The following CNTN5 variants were observed in gnomAD, a reference collection of about 807,000 sequenced individuals.
CNTN5 encodes the protein contactin-5.
A neutral mutation model predicts 129.1 loss-of-function variants in CNTN5; 77 were observed. That is an observed-to-expected ratio of 0.60 (90% CI 0.50 to 0.72). The LOEUF (loss-of-function observed/expected upper bound fraction) is 0.72. CNTN5 is among the 30% of genes least tolerant of loss of function. CNTN5 has a pLI of 0.00. For missense variants in CNTN5, 1,478 were observed against 1,328.8 expected (o/e 1.11, Z -1.75); for synonymous variants, 509 against 465.6 (o/e 1.09, Z -1.20).
At position 100,313,603 on chromosome 11, in the gene CNTN5, A is replaced by G. The variant is rs189100724; in HGVS notation, c.2730+5135A>G. 1.2e-4 allele frequency among the ~76,000 whole-genome samples: 18 copies of G among 152,160 alleles called. 1 individual carries two copies. The highest frequency in any genetic ancestry group is 1.2e-3 in the Admixed American group (18 of 15,280). On this transcript the variant is annotated intron_variant, in intron 21 of 24. Transcript: ENST00000524871. ...GTAGAACATGCCAGTTTGGAGTCAAATTGAGAGAACAGGGCTGAAAACATA... is the reference window on the plus strand; with the variant it reads ...GTAGAACATGCCAGTTTGGAGTCAAGTTGAGAGAACAGGGCTGAAAACATA...
At chr11:99,214,393 A>T (rs1860008009) in intron 1 of CNTN5, among the ~76,000 whole-genome samples, 1 of 127,744 alleles carries the variant, frequency 7.8e-6, no homozygotes, top group Non-Finnish European at 1.6e-5. Context: ...ATATATGTAT[A>T]TAAATAAATA....
At chr11:99,687,123 T>C (rs1253987842) in intron 3 of CNTN5, among the ~76,000 whole-genome samples, 2 of 152,174 alleles carry the variant, frequency 1.3e-5, no homozygotes, top group Non-Finnish European at 2.9e-5. Flanking sequence ...TGAAGGTTAA[T>C]GTACTTACGT....
intron 1 of CNTN5, among the ~76,000 whole-genome samples, chr11:99,128,462 C>G (rs907241991): frequency 2.1e-5 from 3 of 145,516 alleles, no homozygotes; most frequent in Non-Finnish European, 3.0e-5. Flanking sequence ...CAATTCCAGC[C>G]AGGCCTTTAC....
Position 99,488,898 on chromosome 11 carries a change from A to G in CNTN5, c.-70-67247A>G, listed in dbSNP as rs1945924538. Among the ~76,000 whole-genome samples, 7 of 151,544 alleles carry G rather than the reference A, an allele frequency of 4.6e-5. No individual in the cohort carries two copies. The South Asian group carries it at 1.5e-3, about 32-fold the overall frequency. On this transcript the variant is annotated intron_variant, in intron 2 of 24. Transcript: ENST00000524871. ...GGGGAAAGTGAGCATTGTTCTGAAT[A>G]CTAGAAGTCTTGTTTTAGCATGAAA...
At chr11:99,970,776 C>T (rs1307164460) in intron 8 of CNTN5, among the ~76,000 whole-genome samples, 1 of 152,074 alleles carries the variant, frequency 6.6e-6, no homozygotes, top group African/African-American at 2.4e-5. Flanking sequence ...AAAACGTAAA[C>T]TCCCCTGTCA....
chr11:99,065,329 A>G (rs1334072080), intron 1 of CNTN5, among the ~76,000 whole-genome samples: 1 of 152,160 alleles, frequency 6.6e-6, no homozygotes, highest in East Asian at 1.9e-4. Flanking sequence ...GTAAAATGGC[A>G]TATTTTCAGT....
At chr11:99,566,158 T>C (rs1190982591) in intron 3 of CNTN5, among the ~76,000 whole-genome samples, 1 of 152,132 alleles carries the variant, frequency 6.6e-6, no homozygotes, top group Non-Finnish European at 1.5e-5. Flanking sequence ...CTTGGTGCCC[T>C]CCTCTTGGTA....
intron 3 of CNTN5, among the ~76,000 whole-genome samples, chr11:99,667,207 T>A (rs1464600324): frequency 6.6e-6 from 1 of 152,122 alleles, no homozygotes; most frequent in African/African-American, 2.4e-5. Flanking sequence ...TTTAATTGTA[T>A]GAACTTTATT....
chr11:100,274,223 A>C (rs1022533704), intron 18 of CNTN5, among the ~76,000 whole-genome samples: 3 of 152,232 alleles, frequency 2.0e-5, no homozygotes, highest in African/African-American at 7.2e-5. Context: ...AAATTAACTC[A>C]AGATGGATTA....
At chr11:100,289,312 A>C (rs9667887) in intron 18 of CNTN5, among the ~76,000 whole-genome samples, 2,462 of 152,276 alleles carry the variant, frequency 0.016, 72 homozygotes, top group African/African-American at 0.057. Flanking sequence ...ACGAACAAAG[A>C]GAATTTTAGA....
chr11:99,322,484 G>T (rs1183583037), intron 1 of CNTN5, among the ~76,000 whole-genome samples: 1 of 152,154 alleles, frequency 6.6e-6, no homozygotes, highest in Non-Finnish European at 1.5e-5. Context: ...GTGGACAGGG[G>T]TGGCAAGCGG....
At chr11:99,390,141 T>TG (rs1555130244) in intron 2 of CNTN5, among the ~76,000 whole-genome samples, 7 of 151,858 alleles carry the variant, frequency 4.6e-5, no homozygotes, top group Admixed American at 1.3e-4. Context: ...CTTTTTTTTT[T>TG]GTCAGGGTCT....
intron 1 of CNTN5, among the ~76,000 whole-genome samples, chr11:99,263,889 C>T (rs962915104): frequency 2.0e-5 from 3 of 151,958 alleles, no homozygotes; most frequent in Admixed American, 2.0e-4. Context: ...CTAAATACTA[C>T]TCTAGTTGTT....
At chr11:99,338,521 T>C (rs925345437) in intron 2 of CNTN5, among the ~76,000 whole-genome samples, 3 of 152,148 alleles carry the variant, frequency 2.0e-5, no homozygotes, top group African/African-American at 7.2e-5. Flanking sequence ...TTTGTTGCTG[T>C]TTAATTTTAT....
intron 1 of CNTN5, among the ~76,000 whole-genome samples, chr11:99,067,491 A>G (rs1865151365): frequency 6.6e-6 from 1 of 152,006 alleles, no homozygotes. Context: ...CTGAAGTGTC[A>G]TCTTTGTCAT....
intron 2 of CNTN5, among the ~76,000 whole-genome samples, chr11:99,488,535 A>G (rs1172553911): frequency 2.6e-5 from 4 of 151,974 alleles, no homozygotes; most frequent in African/African-American, 2.4e-5. Flanking sequence ...GCTGCTAACC[A>G]CTAGTATGGA....
intron 1 of CNTN5, among the ~76,000 whole-genome samples, chr11:99,319,269 A>G (rs192152403): frequency 2.6e-5 from 4 of 152,314 alleles, no homozygotes; most frequent in Admixed American, 2.0e-4. Flanking sequence ...TAACCTAGAA[A>G]ACGTCCTTAA....
At chr11:99,934,898 G>GTGTATATATA (rs1565693917) in intron 7 of CNTN5, among the ~76,000 whole-genome samples, 1 of 67,954 alleles carries the variant, frequency 1.5e-5, no homozygotes, top group African/African-American at 1.0e-4. Context: ...GTGTGTGTGT[G>GTGTATATATA]TATATATATA....
intron 9 of CNTN5, among the ~76,000 whole-genome samples, chr11:100,004,996 AG>A (rs1427716681): frequency 6.6e-6 from 1 of 152,146 alleles, no homozygotes. Context: ...GGCAAGGCAG[AG>A]GGTCTGCAGG....
Sources: gnomAD v4.1 joint callset for allele counts (sites outside exome capture counted in the v4.1 genomes callset) on GRCh38, gnomAD v4.1.1 for gene constraint, MANE v1.5 for transcripts, NCBI Gene and HGNC (gene_info 2026-07-23, HGNC 2026-07-21) for gene names.